Variants in PI4KA observed in about 807,000 individuals in gnomAD.
PI4KA encodes the protein phosphatidylinositol 4-kinase alpha, also known as PI4-kinase alpha.
A neutral mutation model predicts 271.4 loss-of-function variants in PI4KA; 122 were observed. The ratio of observed to expected loss-of-function variants is 0.45; its 90% CI spans 0.39 to 0.52. PI4KA has a LOEUF of 0.52. PI4KA is among the 20% of genes least tolerant of loss of function. The probability of loss-of-function intolerance (pLI) is 0.00; values close to 1 mark genes in which losing one functional copy is unlikely to be tolerated. For missense variants in PI4KA, 1,969 were observed against 2,769.1 expected, an observed-to-expected ratio of 0.71 and a Z score of 6.48; for synonymous variants, 1,041 against 1,078.8, an observed-to-expected ratio of 0.96 and a Z score of 0.69.
intron 15 of PI4KA, 75 bp downstream of exon 15, chr22:20,799,596 G>A (rs1052258700): frequency 5.9e-5 from 59 of 1,000,346 alleles, no homozygotes; most frequent in South Asian, 2.6e-4. Context: ...GCATGCATAC[G>A]CACAATGCCA....
intron 1 of PI4KA, among the ~76,000 whole-genome samples, chr22:20,847,211 T>C (rs1232810110): frequency 6.6e-6 from 1 of 150,546 alleles, no homozygotes; most frequent in Non-Finnish European, 1.5e-5. Context: ...GATGAGAAGA[T>C]CTGTGCAGCA....
chr22:20,802,461 G>A (rs1248722878), intron 13 of PI4KA, among the ~76,000 whole-genome samples: 1 of 152,216 alleles, frequency 6.6e-6, no homozygotes, highest in East Asian at 1.9e-4. Context: ...GCCTGGTGAG[G>A]GTTAGGGATG....
At chr22:20,776,697 G>A (rs930438653) in intron 19 of PI4KA, among the ~76,000 whole-genome samples, 3 of 152,110 alleles carry the variant, frequency 2.0e-5, no homozygotes, top group Non-Finnish European at 4.4e-5. Context: ...AACTTGGTTC[G>A]AATCTAGCCA....
At chr22:20,724,595 G>C (rs1370716751) in intron 42 of PI4KA, among the ~76,000 whole-genome samples, 2 of 151,936 alleles carry the variant, frequency 1.3e-5, no homozygotes, top group South Asian at 2.1e-4. Context: ...AACAGAGCGA[G>C]ACTCTGTCTA....
chr22:20,733,690 G>C (rs1231745965), intron 35 of PI4KA, 46 bp downstream of exon 35: 2 of 1,613,738 alleles, frequency 1.2e-6, no homozygotes, highest in Admixed American at 1.7e-5. Flanking sequence ...CACTTGGAGG[G>C]GCTGCGCCGT....
chr22:20,739,948 C>T (rs774074232), intron 32 of PI4KA, among the ~76,000 whole-genome samples: 3 of 150,658 alleles, frequency 2.0e-5, no homozygotes, highest in Non-Finnish European at 2.9e-5. Flanking sequence ...TGTAATCCCA[C>T]TTACTTGGGA....
At chr22:20,761,020 T>A (rs992137170) in intron 23 of PI4KA, among the ~76,000 whole-genome samples, 3 of 152,220 alleles carry the variant, frequency 2.0e-5, no homozygotes, top group African/African-American at 4.8e-5. Flanking sequence ...TGCAGGTCCA[T>A]CAGTGCCCAT....
chr22:20,722,652 A>C (rs891883146), intron 42 of PI4KA, among the ~76,000 whole-genome samples: 5 of 152,146 alleles, frequency 3.3e-5, no homozygotes, highest in African/African-American at 9.7e-5. Context: ...TAGAGCCATA[A>C]GTTTTGAAAC....
chr22:20,712,388 G>T (rs34276905), intron 50 of PI4KA, 98 bp downstream of exon 50: 3 of 1,560,290 alleles, frequency 1.9e-6, no homozygotes, highest in African/African-American at 2.7e-5. Context: ...AACAAAGGAT[G>T]ACTGAGGAGA....
rs780757411 is a variant in PI4KA at position 20,729,978 on chromosome 22, G to A, written c.4322C>T (p.Thr1441Ile). 1 of 1,614,192 alleles carries A rather than the reference G, an allele frequency of 6.2e-7. No individual in the cohort carries two copies. The highest frequency in any genetic ancestry group is 8.5e-7 in the Non-Finnish European group (1 of 1,180,022). ...NQDTRSNLDI[T>I]VGSRQQATQG... ...GGTGGCTTGTTGCCGAGAGCCGACA[G>A]TTATGTCCAGGTTGCTCCGGGTGTC... The change falls in exon 37 of 55, where the codon ACT (threonine) becomes ATT (isoleucine). Residue 1441 changes from threonine (T) to isoleucine (I), a missense_variant. Thr to Ile is a moderately conservative substitution (Grantham distance 89). Around this residue, in one of 13 missense-constraint regions of PI4KA, gnomAD observed 23 missense variants for 23.2 expected, o/e 0.99. Coordinates refer to ENST00000255882, the MANE Select transcript of PI4KA (RefSeq NM_058004.4).
chr22:20,770,626 AC>A (rs1932833451), intron 19 of PI4KA, among the ~76,000 whole-genome samples: 1 of 135,104 alleles, frequency 7.4e-6, no homozygotes. Context: ...ACACACACAC[AC>A]ACACAAGCTG....
At chr22:20,747,102 C>T (rs1187696191) in intron 29 of PI4KA, among the ~76,000 whole-genome samples, 2 of 152,192 alleles carry the variant, frequency 1.3e-5, no homozygotes, top group Non-Finnish European at 2.9e-5. Context: ...TAATTTAACT[C>T]AGAAAGTATT....
rs140669671 is a variant in PI4KA at position 20,729,926 on chromosome 22, C to T, written c.4374G>A (p.Leu1458=). 1.2e-6 allele frequency: 2 copies of T among 1,614,070 alleles called. No homozygotes were observed. The highest frequency in any genetic ancestry group is 1.7e-6 in the Non-Finnish European group (2 of 1,180,040). ...TGGAGATGGTGGACATGCCGCTGGA[C>T]AGGGGGTATGTGTTGATCCAGCCTT... ...ATQGWINTYP[L]SSGMSTISKK... The change falls in exon 37 of 55, where the codon CTG becomes CTA. Residue 1458 remains leucine (L), a synonymous_variant. Transcript: ENST00000255882.
chr22:20,805,832 CAA>C (rs362153), intron 10 of PI4KA, among the ~76,000 whole-genome samples: 317 of 105,218 alleles, frequency 3.0e-3, no homozygotes, highest in Middle Eastern at 0.01. Context: ...ACTCCCATCT[CAA>C]AAAAAAAAAA....
At position 20,785,755 on chromosome 22, in the gene PI4KA, T is replaced by C. The variant is rs187353695; in HGVS notation, c.2328+7438A>G. Among the ~76,000 whole-genome samples, 377 of 152,142 alleles carry C rather than the reference T, an allele frequency of 2.5e-3. 1 individual carries two copies. The highest frequency in any genetic ancestry group is 8.6e-3 in the African/African-American group (358 of 41,510). On this transcript the variant is annotated intron_variant, in intron 19 of 54. Transcript: ENST00000255882. Reference sequence around the variant, plus strand: ...AAAGTTCTGCTGCTAACCTTGAAGATAGGAAACGAACCATACAGTCTCAAG... The same window carrying C: ...AAAGTTCTGCTGCTAACCTTGAAGACAGGAAACGAACCATACAGTCTCAAG...
chr22:20,770,579 GAC>G (rs528696021), intron 19 of PI4KA, among the ~76,000 whole-genome samples: 11,426 of 95,772 alleles, frequency 0.12, 728 homozygotes, highest in Middle Eastern at 0.18. Flanking sequence ...GCTGGACACG[GAC>G]ACACACACAC....
At chr22:20,788,281 G>A (rs1934400270) in intron 19 of PI4KA, among the ~76,000 whole-genome samples, 1 of 152,152 alleles carries the variant, frequency 6.6e-6, no homozygotes, top group African/African-American at 2.4e-5. Flanking sequence ...AGGTTGGCTG[G>A]ACTCCAGGGA....
At chr22:20,806,569 C>G (rs1935665385) in intron 10 of PI4KA, among the ~76,000 whole-genome samples, 1 of 151,892 alleles carries the variant, frequency 6.6e-6, no homozygotes, top group African/African-American at 2.4e-5. Context: ...ACTTGGGAGG[C>G]TGAGGCACGA....
intron 9 of PI4KA, among the ~76,000 whole-genome samples, chr22:20,810,184 C>A (rs73390417): frequency 6.6e-6 from 1 of 152,120 alleles, no homozygotes; most frequent in East Asian, 1.9e-4. Context: ...ATAAATAATG[C>A]TGTAGGCCTT....
Sources: allele counts gnomAD v4.1 joint callset (sites outside exome capture counted in the v4.1 genomes callset), GRCh38; gene constraint gnomAD v4.1.1; regional missense constraint gnomAD v4.1.1; transcripts MANE v1.5; gene names NCBI Gene and HGNC (gene_info 2026-07-23, HGNC 2026-07-21).